The following CIBAR2 variants were observed in gnomAD, a reference collection of about 807,000 sequenced individuals.
The protein encoded by CIBAR2 is CBY1 interacting BAR domain containing 2, also known as CBY1-interacting BAR domain-containing protein 2.
CIBAR2 carries 38 observed loss-of-function variants against 36.2 expected under a neutral mutation model. The ratio of observed to expected loss-of-function variants is 1.05; its 90% CI spans 0.81 to 1.38. The LOEUF (loss-of-function observed/expected upper bound fraction) is 1.38. Ranked by LOEUF, CIBAR2 falls within the 40% of genes most tolerant of loss-of-function variation. The probability of loss-of-function intolerance (pLI) is 0.00; values close to 1 mark genes in which losing one functional copy is unlikely to be tolerated. For missense variants in CIBAR2, 481 were observed against 383.4 expected (o/e 1.25, Z -2.13); for synonymous variants, 182 against 149.5 (o/e 1.22, Z -1.58).
At position 85,098,554 on chromosome 16, in the gene CIBAR2, G is replaced by T. The variant is rs1400904234; in HGVS notation, c.*631C>A. On this transcript the variant is annotated 3_prime_UTR_variant, in exon 9 of 9. Coordinates refer to ENST00000539556, the MANE Select transcript of CIBAR2 (RefSeq NM_198491.3). ...GGCCAGCTAAGTTCTTCTGACTGTT[G>T]TGGGCAGTTCTCTCTTATGGGGTCC... 7 of 985,918 alleles carry T rather than the reference G, an allele frequency of 7.1e-6. No individual in the cohort carries two copies. The highest frequency in any genetic ancestry group is 1.7e-5 in the African/African-American group (1 of 57,262). The allele number at this position is 985,918 out of a possible 1,614,324, so 61.1% of individuals were successfully genotyped here. A position where few individuals can be genotyped will look rare whatever the true frequency, so the allele number is the denominator to read the frequency against.
intron 6 of CIBAR2, 138 bp downstream of exon 6, chr16:85,105,189 C>T (rs1457073695): frequency 2.0e-5 from 11 of 542,612 alleles, no homozygotes; most frequent in East Asian, 1.8e-4. Context: ...AGCTCACTCA[C>T]GCCTTCCAGT....
At chr16:85,107,120 C>T (rs984932908) in intron 5 of CIBAR2, among the ~76,000 whole-genome samples, 2 of 151,774 alleles carry the variant, frequency 1.3e-5, no homozygotes, top group Non-Finnish European at 2.9e-5. Flanking sequence ...GCCCTCCAGC[C>T]TAGGCAACAG....
At chr16:85,101,186 G>A (rs1483285626) in intron 7 of CIBAR2, among the ~76,000 whole-genome samples, 1 of 152,238 alleles carries the variant, frequency 6.6e-6, no homozygotes, top group Admixed American at 6.5e-5. Context: ...GTGGGGTGTA[G>A]CTCACACAGT....
In CIBAR2 at chr16:85,098,399, G is replaced by C; in HGVS notation, c.*786C>G. ...TTTATTGAACACCTACTATATGCCA[G>C]GCACAGCGATCCCCCAGAGCAACCT... On this transcript the variant is annotated 3_prime_UTR_variant, in exon 9 of 9. Transcript: ENST00000539556. 3.4e-6 allele frequency: 1 copy of C among 297,512 alleles called. No individual in the cohort carries two copies. The highest frequency in any genetic ancestry group is 1.7e-3 in the Middle Eastern group (1 of 590). 18.4% of individuals were successfully genotyped at this position (297,512 alleles called of 1,614,324 possible).
At position 85,098,422 on chromosome 16, in the gene CIBAR2, C is replaced by A. The variant is rs1467002814; in HGVS notation, c.*763G>T. The A allele has an allele frequency of 1.8e-6, 1 of 542,710 alleles. No individual in the cohort carries two copies. Among genetic ancestry groups the A allele is most frequent in the African/African-American group, 2.1e-5 (1 of 48,754 alleles). 33.6% of individuals were successfully genotyped at this position (542,710 alleles called of 1,614,324 possible). On this transcript the variant is annotated 3_prime_UTR_variant, in exon 9 of 9. Transcript: ENST00000539556. ...CAGGCACAGCGATCCCCCAGAGCAA[C>A]CTGTGAAGTGAGTGATATTGGCCCT...
chr16:85,110,494 G>GC, intron 1 of CIBAR2, 34 bp from the exon 2 acceptor site: 1 of 1,490,930 alleles, frequency 6.7e-7, no homozygotes, highest in Non-Finnish European at 9.2e-7. Context: ...GCCATTCTGG[G>GC]CAGAGATGCA....
intron 2 of CIBAR2, 93 bp from the exon 3 acceptor site, chr16:85,108,192 G>A (rs904701989): frequency 6.5e-6 from 8 of 1,223,344 alleles, no homozygotes; most frequent in African/African-American, 3.0e-5. Flanking sequence ...CGGGAGCCGC[G>A]TGTCCAGAGC....
chr16:85,110,789 C>G (rs2074036788), intron 1 of CIBAR2, among the ~76,000 whole-genome samples: 1 of 148,262 alleles, frequency 6.7e-6, no homozygotes, highest in South Asian at 2.2e-4. Flanking sequence ...ACTGCAACCT[C>G]TGCCTCCTGG....
chr16:85,102,764 G>A (rs978296457), intron 6 of CIBAR2, among the ~76,000 whole-genome samples: 22 of 152,174 alleles, frequency 1.4e-4, no homozygotes, highest in Non-Finnish European at 2.6e-4. Flanking sequence ...TGCCTCCTGA[G>A]ATCACGTTGA....
intron 1 of CIBAR2, among the ~76,000 whole-genome samples, chr16:85,111,794 A>C (rs2074044806): frequency 6.6e-6 from 1 of 152,256 alleles, no homozygotes; most frequent in Non-Finnish European, 1.5e-5. Flanking sequence ...CAGTGAGCCG[A>C]GATCGAGATG....
At chr16:85,099,428 C>G (rs1471145687) in intron 8 of CIBAR2, 82 bp from the exon 9 acceptor site, 2 of 826,882 alleles carry the variant, frequency 2.4e-6, no homozygotes, top group African/African-American at 1.7e-5. Context: ...AATCACCTCC[C>G]TAACCTCTGA....
At chr16:85,106,507 G>A (rs2073996886) in intron 5 of CIBAR2, among the ~76,000 whole-genome samples, 1 of 152,100 alleles carries the variant, frequency 6.6e-6, no homozygotes, top group Non-Finnish European at 1.5e-5. Flanking sequence ...AGTGGAAGAG[G>A]GAGGCGGGCA....
intron 1 of CIBAR2, among the ~76,000 whole-genome samples, chr16:85,111,246 C>G (rs1439113732): frequency 6.6e-6 from 1 of 152,164 alleles, no homozygotes; most frequent in Admixed American, 6.5e-5. Flanking sequence ...GAGGAGCAGC[C>G]CTCTGTCCCG....
chr16:85,111,827 G>A (rs2074045149), intron 1 of CIBAR2, among the ~76,000 whole-genome samples: 2 of 152,364 alleles, frequency 1.3e-5, no homozygotes, highest in Non-Finnish European at 1.5e-5. Flanking sequence ...TCCAGCTTGG[G>A]CTACAGAGTG....
chr16:85,109,116 A>G (rs1228909009), intron 2 of CIBAR2, among the ~76,000 whole-genome samples: 2 of 151,894 alleles, frequency 1.3e-5, no homozygotes, highest in Non-Finnish European at 2.9e-5. Context: ...CTTTGGTTAA[A>G]GGTAATTAAC....
At chr16:85,099,372 G>T in intron 8 of CIBAR2, 26 bp from the exon 9 acceptor site, 2 of 1,277,754 alleles carry the variant, frequency 1.6e-6, no homozygotes, top group Non-Finnish European at 2.3e-6. Flanking sequence ...TGCACCTGAT[G>T]GCAGGCCTTC....
At chr16:85,100,775 C>T (rs527272563) in intron 7 of CIBAR2, among the ~76,000 whole-genome samples, 14 of 152,272 alleles carry the variant, frequency 9.2e-5, no homozygotes, top group African/African-American at 2.4e-4. Context: ...GTGCCGGGCG[C>T]GGTGGCTCAC....
Position 85,108,025 on chromosome 16 carries a change from G to T in CIBAR2, c.324+6C>A. 1 of 1,613,686 alleles carries T rather than the reference G, an allele frequency of 6.2e-7. No homozygotes were observed. Among genetic ancestry groups the T allele is most frequent in the East Asian group, 2.2e-5 (1 of 44,868 alleles). ...ATGCCACCCACACCGAGGTGCCCCGGCTCACCCGTGTCTGCTTGATCTGTG... is the reference window on the plus strand; with the variant it reads ...ATGCCACCCACACCGAGGTGCCCCGTCTCACCCGTGTCTGCTTGATCTGTG... On this transcript the variant is annotated splice_donor_region_variant and intron_variant, in intron 3 of 8. Transcript: ENST00000539556.
chr16:85,107,759 G>A (rs557754662), intron 4 of CIBAR2, 87 bp from the exon 5 acceptor site: 1 of 1,587,550 alleles, frequency 6.3e-7, no homozygotes, highest in African/African-American at 1.3e-5. Context: ...TGCCCAGCGG[G>A]CCCAGGCAAA....
Sources: gnomAD v4.1 joint callset for allele counts (sites outside exome capture counted in the v4.1 genomes callset) on GRCh38, gnomAD v4.1.1 for gene constraint, MANE v1.5 for transcripts, NCBI Gene and HGNC (gene_info 2026-07-23, HGNC 2026-07-21) for gene names.